PGCKA1: variants seen among roughly 807,000 people sequenced by gnomAD.
PGCKA1 encodes the protein PDCD10 and GCKIII kinases-associated protein 1.
At chr4:37,481,533 A>ATTCTCCTGAGGCCTCTCTCCTTGGC in the PGCKA1 span, among the ~76,000 whole-genome samples, 12 of 137,830 alleles carry the variant, frequency 8.7e-5, no homozygotes, top group Non-Finnish European at 1.6e-4. Context: ...GCAGGTTTGG[A>ATTCTCCTGAGGCCTCTCTCCTTGGC]TTCTCCTGAG....
the PGCKA1 span, among the ~76,000 whole-genome samples, chr4:37,520,662 G>T: frequency 2.6e-5 from 4 of 151,860 alleles, no homozygotes; most frequent in African/African-American, 9.7e-5. Flanking sequence ...CTGTTGCCCA[G>T]GCTGGAGTGC....
the PGCKA1 span, among the ~76,000 whole-genome samples, chr4:37,547,795 C>CT: frequency 6.2e-4 from 95 of 152,234 alleles, no homozygotes; most frequent in African/African-American, 2.2e-3. Flanking sequence ...TATACCAATT[C>CT]TAAGTTAATT....
the PGCKA1 span, among the ~76,000 whole-genome samples, chr4:37,490,322 C>T: frequency 6.6e-6 from 1 of 152,006 alleles, no homozygotes; most frequent in Non-Finnish European, 1.5e-5. Context: ...CTTAATCAAC[C>T]CGGCATTTTT....
the PGCKA1 span, among the ~76,000 whole-genome samples, chr4:37,551,117 T>G: frequency 1.3e-5 from 2 of 152,252 alleles, no homozygotes; most frequent in African/African-American, 4.8e-5. Context: ...AGAAGTCCAC[T>G]GGGACTGGAC....
At chr4:37,526,296 GATAC>G in the PGCKA1 span, among the ~76,000 whole-genome samples, 2 of 152,202 alleles carry the variant, frequency 1.3e-5, no homozygotes, top group African/African-American at 4.8e-5. Context: ...CACAGTGCTA[GATAC>G]ATATAGGTCT....
chr4:37,509,882 A>G, the PGCKA1 span, among the ~76,000 whole-genome samples: 1 of 148,810 alleles, frequency 6.7e-6, no homozygotes, highest in African/African-American at 2.5e-5. Context: ...AGAATCAGGC[A>G]GGGAGGTTGC....
chr4:37,478,451 A>T, the PGCKA1 span, among the ~76,000 whole-genome samples: 1 of 152,170 alleles, frequency 6.6e-6, no homozygotes, highest in Admixed American at 6.5e-5. Context: ...TTAGAAAAAA[A>T]AATGGATTAA....
the PGCKA1 span, among the ~76,000 whole-genome samples, chr4:37,515,586 C>T: frequency 6.6e-6 from 1 of 152,204 alleles, no homozygotes; most frequent in Non-Finnish European, 1.5e-5. Context: ...ACGGGACAAG[C>T]AGTATATTCT....
the PGCKA1 span, among the ~76,000 whole-genome samples, chr4:37,479,362 T>C: frequency 6.6e-6 from 1 of 152,212 alleles, no homozygotes; most frequent in Admixed American, 6.5e-5. Context: ...TTACTCTTGC[T>C]CATTTTATTT....
At chr4:37,459,663 T>A in the PGCKA1 span, among the ~76,000 whole-genome samples, 24,065 of 152,158 alleles carry the variant, frequency 0.16, 2,167 homozygotes, top group Admixed American at 0.21. Flanking sequence ...TCCAGTCTAC[T>A]GAATCAGAAC....
chr4:37,546,606 A>C, the PGCKA1 span, among the ~76,000 whole-genome samples: 4,061 of 152,314 alleles, frequency 0.027, 199 homozygotes, highest in African/African-American at 0.092. Context: ...CTCCCAGCTG[A>C]ATAAAGCCCT....
the PGCKA1 span, among the ~76,000 whole-genome samples, chr4:37,502,820 G>A: frequency 3.4e-3 from 510 of 152,144 alleles, 1 homozygote; most frequent in African/African-American, 0.012. Flanking sequence ...ACCAACACAG[G>A]AGCTATGATG....
chr4:37,559,742 C>G, the PGCKA1 span, among the ~76,000 whole-genome samples: 1 of 152,102 alleles, frequency 6.6e-6, no homozygotes, highest in Non-Finnish European at 1.5e-5. Context: ...ACAGACCTTC[C>G]TTCTCTTTAT....
At chr4:37,484,892 A>G in the PGCKA1 span, among the ~76,000 whole-genome samples, 1 of 152,252 alleles carries the variant, frequency 6.6e-6, no homozygotes, top group African/African-American at 2.4e-5. Context: ...CTTGTTCATC[A>G]GCCACCCAGT....
the PGCKA1 span, among the ~76,000 whole-genome samples, chr4:37,558,501 A>G: frequency 6.6e-6 from 1 of 152,084 alleles, no homozygotes; most frequent in African/African-American, 2.4e-5. Context: ...CTGGAAGAAA[A>G]CCTAGGCATT....
chr4:37,459,617 G>A, the PGCKA1 span, among the ~76,000 whole-genome samples: 2 of 152,008 alleles, frequency 1.3e-5, no homozygotes, highest in Admixed American at 6.5e-5. Context: ...ATAACCATCT[G>A]GGAGCTTGTT....
At chr4:37,496,699 G>A in the PGCKA1 span, among the ~76,000 whole-genome samples, 2 of 152,120 alleles carry the variant, frequency 1.3e-5, no homozygotes, top group South Asian at 4.1e-4. Flanking sequence ...TGGACAGTAT[G>A]GCCATTTTAT....
the PGCKA1 span, chr4:37,588,837 C>G: frequency 2.5e-6 from 4 of 1,605,252 alleles, no homozygotes; most frequent in South Asian, 4.4e-5. Context: ...TTTACGCTTT[C>G]TTTTCCAGGT....
At chr4:37,581,305 A>G in the PGCKA1 span, among the ~76,000 whole-genome samples, 1 of 152,060 alleles carries the variant, frequency 6.6e-6, no homozygotes, top group Non-Finnish European at 1.5e-5. This position sits in a 1 kb window ranked among gnomAD's most constrained non-coding sequence, Gnocchi z 4.4. Flanking sequence ...TCTCAAGTAG[A>G]AGTAGTCTCT....
Sources: gnomAD v4.1 joint callset for allele counts (sites outside exome capture counted in the v4.1 genomes callset) on GRCh38, gnomAD v4.1.1 for gene constraint, Gnocchi (gnomAD v3.1) non-coding constraint, MANE v1.5 for transcripts, NCBI Gene and HGNC (gene_info 2026-07-23, HGNC 2026-07-21) for gene names.